TNS3: variants seen among roughly 807,000 people sequenced by gnomAD.
TNS3 encodes tensin-3.
TNS3 carries 45 observed loss-of-function variants against 140.9 expected under a neutral mutation model. The observed-to-expected ratio is 0.32, with a 90% CI of 0.25 to 0.41. TNS3 has a LOEUF of 0.41. Among genes scored for constraint, TNS3 ranks in the 10% least tolerant of loss-of-function variants. TNS3 has a pLI of 1.00. For missense variants in TNS3, 1,716 were observed against 1,906.7 expected, an observed-to-expected ratio of 0.90 and a Z score of 1.86; for synonymous variants, 815 against 788.4, an observed-to-expected ratio of 1.03 and a Z score of -0.56.
Position 47,369,085 on chromosome 7 carries a change from G to C in TNS3, c.1561C>G (p.Leu521Val), listed in dbSNP as rs200084922. The change falls in exon 17 of 31, where the codon CTA becomes GTA. Residue 521 changes from leucine (L) to valine (V), a missense_variant. Transcript: ENST00000311160. ...TCHKSSQNSL[L>V]SDGFGSNVGE... ...ACGTTGCTGCCAAAACCGTCAGATA[G>C]GAGTGAGTTCTGGCTGCTCTTGTGG... 47 of 1,614,170 alleles carry C rather than the reference G, an allele frequency of 2.9e-5. No homozygotes were observed. In the East Asian group the frequency reaches 1.0e-3, roughly 35 times the overall value.
chr7:47,480,632 C>T (rs564199204), intron 4 of TNS3, among the ~76,000 whole-genome samples: 1 of 152,164 alleles, frequency 6.6e-6, no homozygotes, highest in East Asian at 1.9e-4. Flanking sequence ...AGAGAAAGTG[C>T]TATTGTGTTT....
chr7:47,387,323 C>T (rs1263965091), intron 16 of TNS3, among the ~76,000 whole-genome samples: 2 of 152,180 alleles, frequency 1.3e-5, no homozygotes, highest in African/African-American at 4.8e-5. Context: ...AACTTGGAAT[C>T]CTGGAGCCAC....
At chr7:47,319,158 A>T (rs1266872798) in intron 20 of TNS3, among the ~76,000 whole-genome samples, 1 of 152,192 alleles carries the variant, frequency 6.6e-6, no homozygotes. Flanking sequence ...GGAACAACCG[A>T]GGCTGGGCAA....
intron 2 of TNS3, among the ~76,000 whole-genome samples, chr7:47,519,649 C>T (rs1798896905): frequency 6.6e-6 from 1 of 152,096 alleles, no homozygotes; most frequent in Non-Finnish European, 1.5e-5. Context: ...GCACCTAACA[C>T]AGTAGGCACC....
chr7:47,559,616 G>C (rs367897438), intron 1 of TNS3, among the ~76,000 whole-genome samples: 1 of 152,152 alleles, frequency 6.6e-6, no homozygotes, highest in Non-Finnish European at 1.5e-5. Flanking sequence ...AAGAGCCACA[G>C]GAGCCAATCT....
At chr7:47,449,539 A>G (rs983208110) in intron 4 of TNS3, among the ~76,000 whole-genome samples, 2 of 152,086 alleles carry the variant, frequency 1.3e-5, no homozygotes, top group Non-Finnish European at 2.9e-5. Context: ...CTTCCAGCAA[A>G]GCATAATCTG....
At chr7:47,533,740 T>G (rs1456532920) in intron 1 of TNS3, among the ~76,000 whole-genome samples, 1 of 152,096 alleles carries the variant, frequency 6.6e-6, no homozygotes, top group East Asian at 1.9e-4. Flanking sequence ...TGTGCTGTTC[T>G]CATGATAATG....
intron 1 of TNS3, among the ~76,000 whole-genome samples, chr7:47,545,775 G>A (rs953057536): frequency 6.6e-6 from 1 of 152,200 alleles, no homozygotes; most frequent in African/African-American, 2.4e-5. Context: ...ACCACATCTG[G>A]AACTGTGGGT....
chr7:47,392,373 G>A (rs1792573746), intron 16 of TNS3, among the ~76,000 whole-genome samples: 2 of 152,200 alleles, frequency 1.3e-5, no homozygotes, highest in African/African-American at 4.8e-5. Flanking sequence ...TCCCCTAACA[G>A]GCCCAGATTG....
At chr7:47,497,756 G>A (rs3898125) in intron 3 of TNS3, among the ~76,000 whole-genome samples, 3,505 of 151,564 alleles carry the variant, frequency 0.023, 127 homozygotes, top group African/African-American at 0.08. Flanking sequence ...CTGGAGCGAC[G>A]TGTGCCCATG....
Position 47,346,160 on chromosome 7 carries a change from A to C in TNS3, c.2451+27T>G, listed in dbSNP as rs776377979. ...AAGAAAGGGAGTGGAATGGGCCCAG[A>C]AACTGGGACCTGGCTGTGGCACATA... On this transcript the variant is annotated intron_variant, in intron 18 of 30. Transcript: ENST00000311160. 3.1e-6 allele frequency: 5 copies of C among 1,609,762 alleles called. No homozygotes were observed. The Admixed American group carries it at 8.3e-5, about 27-fold the overall frequency.
At chr7:47,460,036 A>C (rs1053612466) in intron 4 of TNS3, among the ~76,000 whole-genome samples, 2 of 151,808 alleles carry the variant, frequency 1.3e-5, no homozygotes, top group African/African-American at 4.8e-5. Context: ...ACACGGTGAA[A>C]CCTCGTCTCT....
At chr7:47,549,469 C>T (rs562601647) in intron 1 of TNS3, among the ~76,000 whole-genome samples, 2 of 152,014 alleles carry the variant, frequency 1.3e-5, no homozygotes, top group African/African-American at 4.8e-5. Context: ...CACTCCAGCC[C>T]GGCAACAGAG....
chr7:47,472,488 G>T (rs952631052), intron 4 of TNS3, among the ~76,000 whole-genome samples: 13 of 152,176 alleles, frequency 8.5e-5, no homozygotes, highest in Admixed American at 2.6e-4. Flanking sequence ...AGAAAGGCAC[G>T]TGCACAGGGA....
intron 20 of TNS3, among the ~76,000 whole-genome samples, chr7:47,342,639 C>T (rs558741877): frequency 9.2e-5 from 14 of 152,270 alleles, no homozygotes; most frequent in African/African-American, 2.6e-4. Context: ...GCTGTGGAGT[C>T]GGCTGATGGA....
intron 13 of TNS3, among the ~76,000 whole-genome samples, chr7:47,402,320 A>T (rs1793211671): frequency 6.6e-6 from 1 of 152,220 alleles, no homozygotes; most frequent in Non-Finnish European, 1.5e-5. Flanking sequence ...GGCGCTGGCC[A>T]GCGGTGCTGT....
Position 47,306,826 on chromosome 7 carries a change from C to T in TNS3, c.2651-1823G>A, listed in dbSNP as rs564783459. Among the ~76,000 whole-genome samples the T allele has an allele frequency of 1.5e-4, 23 of 152,342 alleles. No individual in the cohort carries two copies. In the South Asian group the frequency reaches 2.7e-3, roughly 18 times the overall value. On this transcript the variant is annotated intron_variant, in intron 20 of 30. Coordinates refer to ENST00000311160, the MANE Select transcript of TNS3 (RefSeq NM_022748.12). ...TCTCCTGAACTCGTGATCTGCCCGCCTTGGCCTCCCAAAGTGCTGGGATTA... is the reference window on the plus strand; with the variant it reads ...TCTCCTGAACTCGTGATCTGCCCGCTTTGGCCTCCCAAAGTGCTGGGATTA...
intron 4 of TNS3, among the ~76,000 whole-genome samples, chr7:47,475,266 G>A (rs1175627412): frequency 6.6e-6 from 1 of 152,238 alleles, no homozygotes; most frequent in African/African-American, 2.4e-5. Context: ...ACTGGCCTCG[G>A]GTGAGGTGAA....
At chr7:47,390,114 A>G (rs1792425100) in intron 16 of TNS3, among the ~76,000 whole-genome samples, 1 of 152,216 alleles carries the variant, frequency 6.6e-6, no homozygotes, top group South Asian at 2.1e-4. Flanking sequence ...GCCAACAAGG[A>G]CCGAGGCTGC....
Sources: allele counts gnomAD v4.1 joint callset (sites outside exome capture counted in the v4.1 genomes callset), GRCh38; gene constraint gnomAD v4.1.1; transcripts MANE v1.5; gene names NCBI Gene and HGNC (gene_info 2026-07-23, HGNC 2026-07-21).